STON2: variants seen among roughly 807,000 people sequenced by gnomAD.
The protein encoded by STON2 is stonin-2.
A neutral mutation model predicts 65.7 loss-of-function variants in STON2; 29 were observed. That is an observed-to-expected ratio of 0.44 (90% CI 0.33 to 0.60). STON2 has a LOEUF of 0.60. STON2 is among the 20% of genes least tolerant of loss of function. The pLI is 0.03. For synonymous variants in STON2, 404 were observed against 414.2 expected (o/e 0.98, Z 0.30); for missense variants, 1,054 against 1,118.1 (o/e 0.94, Z 0.82).
chr14:81,402,292 A>C (rs1900647938), upstream of STON2, among the ~76,000 whole-genome samples: 1 of 152,206 alleles, frequency 6.6e-6, no homozygotes, highest in African/African-American at 2.4e-5. Context: ...GGGCACAGTC[A>C]TCAGGAACAT....
chr14:81,278,411 C>T lies in STON2; in HGVS notation c.1071G>A (p.Thr357=), dbSNP rs748540562. The part of the protein sequence containing the change: ...QKLDISSLNR[T]PSVTEASPWR... ...AAGGTGAAGCCTCAGTTACAGAAGGCGTGCGGTTTAAAGAGGAAATATCCA... is the reference window on the plus strand; with the variant it reads ...AAGGTGAAGCCTCAGTTACAGAAGGTGTGCGGTTTAAAGAGGAAATATCCA... The change falls in exon 6 of 8, where the codon ACG becomes ACA. Residue 357 remains threonine, a synonymous_variant. Transcript: ENST00000614646. 12 of 1,614,044 alleles carry T rather than the reference C, an allele frequency of 7.4e-6. No individual in the cohort carries two copies. Among genetic ancestry groups the T allele is most frequent in the Admixed American group, 5.0e-5 (3 of 59,998 alleles).
chr14:81,366,341 C>G (rs1330669673), intron 4 of STON2, among the ~76,000 whole-genome samples: 1 of 152,144 alleles, frequency 6.6e-6, no homozygotes, highest in Non-Finnish European at 1.5e-5. Context: ...GCTCTGCTCT[C>G]GGCAGCCCAC....
upstream of STON2, among the ~76,000 whole-genome samples, chr14:81,403,323 T>A (rs1390801370): frequency 1.3e-5 from 2 of 152,218 alleles, no homozygotes; most frequent in African/African-American, 2.4e-5. Flanking sequence ...TGGCAATCAC[T>A]GAATGCAAAG....
rs1442990071 is a variant in STON2 at position 81,263,804 on chromosome 14, A to G, written c.*4610T>C. The G allele has an allele frequency of 2.0e-6, 2 of 985,302 alleles. No homozygotes were observed. The highest frequency in any genetic ancestry group is 4.7e-5 in the South Asian group (1 of 21,286). 61.0% of individuals were successfully genotyped at this position (985,302 alleles called of 1,614,324 possible). On this transcript the variant is annotated 3_prime_UTR_variant, in exon 8 of 8. Transcript: ENST00000614646. ...AGCAGGCTGGATGGTAGTGCTTCCTACTTAAACCAATTTAATATTCCCAAG... is the reference window on the plus strand; with the variant it reads ...AGCAGGCTGGATGGTAGTGCTTCCTGCTTAAACCAATTTAATATTCCCAAG...
chr14:81,300,181 T>C (rs1895917226), intron 5 of STON2, among the ~76,000 whole-genome samples: 1 of 151,968 alleles, frequency 6.6e-6, no homozygotes, highest in South Asian at 2.1e-4. Context: ...AAAGATGCCA[T>C]GGAATTCAAG....
intron 5 of STON2, among the ~76,000 whole-genome samples, chr14:81,310,523 C>T (rs10149798): frequency 3.9e-5 from 6 of 152,176 alleles, no homozygotes; most frequent in African/African-American, 1.4e-4. Context: ...GTAAGGTTTA[C>T]GTAAGACTGA....
chr14:81,351,175 C>CT (rs1194155686), intron 4 of STON2, among the ~76,000 whole-genome samples: 3 of 106,894 alleles, frequency 2.8e-5, no homozygotes, highest in Admixed American at 9.5e-5. Flanking sequence ...GAGGTAAGCT[C>CT]TTCTTTTTTT....
chr14:81,292,668 G>A (rs1031688167), intron 5 of STON2, among the ~76,000 whole-genome samples: 2 of 152,160 alleles, frequency 1.3e-5, no homozygotes, highest in Non-Finnish European at 2.9e-5. Flanking sequence ...AGAACTGTAA[G>A]TCAATTAAAC....
intron 1 of STON2, chr14:81,436,275 T>TTGGGGGGCGCGCTCGCCTCCTGC: frequency 6.6e-6 from 1 of 150,772 alleles, no homozygotes; most frequent in Admixed American, 6.6e-5. Context: ...GGGGCCCCTC[T>TTGGGGGGCGCGCTCGCCTCCTGC]TGGGGGGCGC....
chr14:81,328,715 G>A (rs1897090738), intron 4 of STON2, among the ~76,000 whole-genome samples: 1 of 152,128 alleles, frequency 6.6e-6, no homozygotes, highest in Non-Finnish European at 1.5e-5. Context: ...CTCATGAACA[G>A]ATCAATGCCC....
chr14:81,389,959 T>A (rs1332838740), intron 3 of STON2, among the ~76,000 whole-genome samples: 1 of 152,166 alleles, frequency 6.6e-6, no homozygotes, highest in African/African-American at 2.4e-5. Flanking sequence ...ATGCCTGTAA[T>A]CCCAGCACTT....
chr14:81,271,122 G>C (rs1384493285), intron 6 of STON2, among the ~76,000 whole-genome samples: 1 of 152,124 alleles, frequency 6.6e-6, no homozygotes, highest in Non-Finnish European at 1.5e-5. Flanking sequence ...CAAGGCCTGA[G>C]AAACAGGGGC....
At chr14:81,428,596 A>G (rs569655657) in intron 1 of STON2, among the ~76,000 whole-genome samples, 3 of 152,150 alleles carry the variant, frequency 2.0e-5, no homozygotes, top group Non-Finnish European at 2.9e-5. Flanking sequence ...GGTGGCACAC[A>G]CCTGTAGTCC....
chr14:81,424,401 G>A (rs1041694657), intron 2 of STON2, among the ~76,000 whole-genome samples: 9 of 151,646 alleles, frequency 5.9e-5, no homozygotes, highest in African/African-American at 1.5e-4. Context: ...CCAAGATCGC[G>A]CCACTGTACT....
rs1188839264 is a variant in STON2 at position 81,264,142 on chromosome 14, G to A, written c.*4272C>T. The A allele has an allele frequency of 2.9e-5, 29 of 985,410 alleles. No individual in the cohort carries two copies. The highest frequency in any genetic ancestry group is 3.3e-5 in the Non-Finnish European group (27 of 829,928). 61.0% of individuals were successfully genotyped at this position (985,410 alleles called of 1,614,324 possible). On this transcript the variant is annotated 3_prime_UTR_variant, in exon 8 of 8. Coordinates refer to ENST00000614646, the MANE Select transcript of STON2 (RefSeq NM_001394390.1). ...CAGGAACAAAGCAATCAATCACCGT[G>A]ACTATGGACAGCATCTATGCTACTA...
At chr14:81,347,997 A>T (rs1453454062) in intron 4 of STON2, among the ~76,000 whole-genome samples, 1 of 151,916 alleles carries the variant, frequency 6.6e-6, no homozygotes, top group Non-Finnish European at 1.5e-5. Flanking sequence ...TATATACATC[A>T]CATCCACAAA....
Position 81,266,700 on chromosome 14 carries a change from G to C in STON2, c.*1714C>G. The C allele has an allele frequency of 1.0e-6, 1 of 985,186 alleles. No individual in the cohort carries two copies. The highest frequency in any genetic ancestry group is 1.2e-6 in the Non-Finnish European group (1 of 829,786). The allele number at this position is 985,186 out of a possible 1,614,324, so 61.0% of individuals were successfully genotyped here. A position where few individuals can be genotyped will look rare whatever the true frequency, so the allele number is the denominator to read the frequency against. On this transcript the variant is annotated 3_prime_UTR_variant, in exon 8 of 8. Transcript: ENST00000614646. ...GCTGACTACATTAGCTTTGTGAATA[G>C]CCATGATATATTTCTGATTCAACAT...
intron 2 of STON2, among the ~76,000 whole-genome samples, chr14:81,406,428 T>C (rs1371689415): frequency 2.6e-5 from 4 of 152,154 alleles, no homozygotes; most frequent in Non-Finnish European, 4.4e-5. Flanking sequence ...GTTGTATTAT[T>C]AGTATATTTA....
chr14:81,370,418 T>A (rs901545252), intron 4 of STON2, among the ~76,000 whole-genome samples: 1 of 152,198 alleles, frequency 6.6e-6, no homozygotes. Context: ...CAGCATTCCA[T>A]CTTACACCTA....
Sources: allele counts gnomAD v4.1 joint callset (sites outside exome capture counted in the v4.1 genomes callset), GRCh38; gene constraint gnomAD v4.1.1; transcripts MANE v1.5; gene names NCBI Gene and HGNC (gene_info 2026-07-23, HGNC 2026-07-21).